SMARCAD1: variants seen among roughly 807,000 people sequenced by gnomAD.
SMARCAD1 encodes the protein SWI/SNF-related matrix-associated actin-dependent regulator of chromatin subfamily A containing DEAD/H box 1.
In SMARCAD1, 25 loss-of-function variants were observed where a neutral mutation model predicts 127.1. The ratio of observed to expected loss-of-function variants is 0.20; its 90% CI spans 0.14 to 0.27. SMARCAD1 has a LOEUF of 0.27. Ranked by LOEUF, SMARCAD1 falls within the 10% of genes least tolerant of loss-of-function variation. The pLI, the probability that SMARCAD1 is intolerant of heterozygous loss-of-function variation, is 1.00. For synonymous variants in SMARCAD1, 400 were observed against 396.9 expected, an observed-to-expected ratio of 1.01 and a Z score of -0.09; for missense variants, 807 against 1,206.0, an observed-to-expected ratio of 0.67 and a Z score of 4.90.
chr4:94,248,119 A>G (rs939191292), intron 6 of SMARCAD1, among the ~76,000 whole-genome samples: 4 of 152,170 alleles, frequency 2.6e-5, no homozygotes, highest in African/African-American at 9.7e-5. Context: ...CTGATTCCAC[A>G]TTAGCTTGCT....
intron 10 of SMARCAD1, among the ~76,000 whole-genome samples, chr4:94,268,378 A>C (rs936892394): frequency 1.3e-5 from 2 of 152,112 alleles, no homozygotes; most frequent in Non-Finnish European, 2.9e-5. Context: ...TTTATTAAGA[A>C]TATTTCGTGG....
chr4:94,278,322 C>T, intron 16 of SMARCAD1, 100 bp from the exon 17 acceptor site: 2 of 1,042,446 alleles, frequency 1.9e-6, no homozygotes, highest in Non-Finnish European at 2.9e-6. Context: ...GAAAATAACT[C>T]AGACTCTAAT....
rs780687314 is a variant in SMARCAD1 at position 94,289,458 on chromosome 4, C to G, written c.3020-15C>G. On this transcript the variant is annotated splice_polypyrimidine_tract_variant and intron_variant, in intron 23 of 23. Coordinates refer to ENST00000354268, the MANE Select transcript of SMARCAD1 (RefSeq NM_020159.5). The stretch of plus-strand genomic sequence containing the variant: ...TATTTTTATAAAGCTTTTAATGCTA[C>G]TTTCTGACCTACAGGTGATGAAGGG... 3.1e-6 allele frequency: 5 copies of G among 1,606,930 alleles called. No homozygotes were observed. In the South Asian group the frequency reaches 5.5e-5, roughly 18 times the overall value.
At chr4:94,216,758 A>G (rs778957077) in intron 2 of SMARCAD1, among the ~76,000 whole-genome samples, 1 of 152,150 alleles carries the variant, frequency 6.6e-6, no homozygotes, top group Non-Finnish European at 1.5e-5. Context: ...ATATATCAGA[A>G]TTTCCTTCCT....
At chr4:94,281,426 G>T in intron 20 of SMARCAD1, 46 bp from the exon 21 acceptor site, 1 of 1,354,842 alleles carries the variant, frequency 7.4e-7, no homozygotes, top group Non-Finnish European at 1.1e-6. Flanking sequence ...GCTTTGAGTA[G>T]TAAAACGATT....
chr4:94,248,758 GTC>G (rs1748839209), intron 6 of SMARCAD1, among the ~76,000 whole-genome samples: 1 of 152,004 alleles, frequency 6.6e-6, no homozygotes, highest in Non-Finnish European at 1.5e-5. Flanking sequence ...CATTTTATTG[GTC>G]TCTGTTTTAT....
In SMARCAD1 at chr4:94,291,028, G is replaced by A. The variant is rs1207605313; in HGVS notation, c.*1494G>A. On this transcript the variant is annotated 3_prime_UTR_variant, in exon 24 of 24. Transcript: ENST00000354268. ...TTTTACCATTACAGGGCTAAAAGGAGTCTTCATGTGTTAATACTACCTCCT... is the reference window on the plus strand; with the variant it reads ...TTTTACCATTACAGGGCTAAAAGGAATCTTCATGTGTTAATACTACCTCCT... 2.3e-6 allele frequency: 1 copy of A among 439,932 alleles called. No individual in the cohort carries two copies. Among genetic ancestry groups the A allele is most frequent in the Admixed American group, 2.5e-5 (1 of 40,372 alleles). 27.3% of individuals were successfully genotyped at this position (439,932 alleles called of 1,614,324 possible).
At chr4:94,275,824 T>A (rs1753211683) in intron 14 of SMARCAD1, among the ~76,000 whole-genome samples, 1 of 135,266 alleles carries the variant, frequency 7.4e-6, no homozygotes, top group Non-Finnish European at 1.6e-5. Flanking sequence ...TGAGACGGAG[T>A]CTCACTCTGT....
chr4:94,279,070 T>TG lies in SMARCAD1; in HGVS notation c.2418+20_2418+21insG. 1.2e-6 allele frequency: 2 copies of TG among 1,613,850 alleles called. No homozygotes were observed. Among genetic ancestry groups the TG allele is most frequent in the East Asian group, 4.5e-5 (2 of 44,842 alleles). On this transcript the variant is annotated intron_variant, in intron 19 of 23. Coordinates refer to ENST00000354268, the MANE Select transcript of SMARCAD1 (RefSeq NM_020159.5). ...CTAAAGGTAAGGATTTCATATTATGTTAACACTAAGCTTTAATAAGAGGTT... is the reference window on the plus strand; with the variant it reads ...CTAAAGGTAAGGATTTCATATTATGTGTAACACTAAGCTTTAATAAGAGGTT...
At chr4:94,264,367 TA>T (rs1281552240) in intron 9 of SMARCAD1, among the ~76,000 whole-genome samples, 1 of 152,102 alleles carries the variant, frequency 6.6e-6, no homozygotes, top group East Asian at 1.9e-4. Context: ...GAAATGTTTT[TA>T]AAAACTTGAT....
intron 6 of SMARCAD1, among the ~76,000 whole-genome samples, chr4:94,248,742 C>T (rs1305231267): frequency 6.6e-6 from 1 of 152,124 alleles, no homozygotes; most frequent in Non-Finnish European, 1.5e-5. Flanking sequence ...GTCCAGATAT[C>T]CATAGCATTT....
chr4:94,229,644 A>G (rs1349254240), intron 3 of SMARCAD1, among the ~76,000 whole-genome samples: 7 of 152,132 alleles, frequency 4.6e-5, no homozygotes, highest in Non-Finnish European at 7.4e-5. Context: ...AGGAAATGAT[A>G]CTTGGAAATA....
At chr4:94,252,517 T>A in intron 8 of SMARCAD1, 99 bp from the exon 9 acceptor site, 1 of 768,898 alleles carries the variant, frequency 1.3e-6, no homozygotes, top group Non-Finnish European at 2.0e-6. Flanking sequence ...TTCTTCTGTA[T>A]TCAATAGGAA....
At chr4:94,264,569 G>T (rs1009461413) in intron 9 of SMARCAD1, 138 bp from the exon 10 acceptor site, 4 of 632,790 alleles carry the variant, frequency 6.3e-6, no homozygotes, top group Non-Finnish European at 1.1e-5. Context: ...TGAAGAATCA[G>T]GTTCTCTTAG....
chr4:94,278,457 G>C lies in SMARCAD1; in HGVS notation c.2118G>C (p.Glu706Asp), dbSNP rs575801541. The change falls in exon 17 of 24, where the codon GAG (glutamate) becomes GAC (aspartate). Residue 706 changes from glutamate to aspartate, a missense_variant. Coordinates refer to ENST00000354268, the MANE Select transcript of SMARCAD1 (RefSeq NM_020159.5). The stretch of plus-strand genomic sequence containing the variant: ...ATGAGCAAAGCATATATGAAAAGGA[G>C]AGAATAGCACATGCAAAACAAATTA... ...SADEQSIYEK[E>D]RIAHAKQIIK... is the part of the protein sequence containing the mutation. 6.2e-7 allele frequency: 1 copy of C among 1,613,816 alleles called. No homozygotes were observed. Among genetic ancestry groups the C allele is most frequent in the African/African-American group, 1.3e-5 (1 of 75,012 alleles).
At chr4:94,276,044 G>T (rs182255089) in intron 14 of SMARCAD1, among the ~76,000 whole-genome samples, 48 of 152,060 alleles carry the variant, frequency 3.2e-4, no homozygotes, top group Middle Eastern at 3.4e-3. Flanking sequence ...TGATCCGCCC[G>T]CCTCGGCCTC....
chr4:94,288,495 A>C (rs1210221601), intron 23 of SMARCAD1, among the ~76,000 whole-genome samples: 1 of 152,170 alleles, frequency 6.6e-6, no homozygotes, highest in African/African-American at 2.4e-5. Context: ...CTTGGAAGCA[A>C]GGATGTCAGT....
At chr4:94,220,309 G>A (rs779445332) in intron 2 of SMARCAD1, among the ~76,000 whole-genome samples, 6 of 152,006 alleles carry the variant, frequency 3.9e-5, no homozygotes, top group Non-Finnish European at 7.4e-5. Flanking sequence ...GTGCAATGGC[G>A]TGATCTTGGC....
chr4:94,261,141 GA>G (rs956831027), intron 9 of SMARCAD1, among the ~76,000 whole-genome samples: 82 of 140,188 alleles, frequency 5.8e-4, no homozygotes, highest in East Asian at 8.2e-4. Flanking sequence ...TTTTTTAAGT[GA>G]AAAAAAAAAA....
Sources: gnomAD v4.1 joint callset for allele counts (sites outside exome capture counted in the v4.1 genomes callset) on GRCh38, gnomAD v4.1.1 for gene constraint, MANE v1.5 for transcripts, NCBI Gene and HGNC (gene_info 2026-07-23, HGNC 2026-07-21) for gene names.